Variants in DAB1 observed in about 807,000 individuals in gnomAD.
The protein encoded by DAB1 is DAB adaptor protein 1.
Under a neutral mutation model 64.6 loss-of-function variants are expected in DAB1, and 15 were observed. That is an observed-to-expected ratio of 0.23 (90% CI 0.16 to 0.36). DAB1 has a LOEUF of 0.36. Among genes scored for constraint, DAB1 ranks in the 10% least tolerant of loss-of-function variants. The pLI is 1.00. For missense variants in DAB1, 596 were observed against 706.7 expected (o/e 0.84, Z 1.78); for synonymous variants, 235 against 251.9 (o/e 0.93, Z 0.64).
At position 57,291,150 on chromosome 1, in the gene DAB1, T is replaced by G; in HGVS notation, c.-120A>C. The stretch of plus-strand genomic sequence containing the variant: ...ATGACACTCTGAGCTGCACATTTCA[T>G]TCACTCTTTTTGAGTGCTGCAAATC... On this transcript the variant is annotated 5_prime_UTR_variant, in exon 2 of 15. It removes an upstream start codon present in the reference 5' UTR. Coordinates refer to ENST00000371236, the MANE Select transcript of DAB1 (RefSeq NM_001365792.1). The G allele has an allele frequency of 1.9e-6, 1 of 535,964 alleles. No homozygotes were observed. The highest frequency in any genetic ancestry group is 3.4e-5 in the Admixed American group (1 of 29,548). 33.2% of individuals were successfully genotyped at this position (535,964 alleles called of 1,614,324 possible). A position where few individuals can be genotyped will look rare whatever the true frequency, so the allele number is the denominator to read the frequency against.
rs1661500014 is a variant in DAB1 at position 58,278,540 on chromosome 1, CG to C, written n.309+64811del. ...ATCTCTATCATAGCATTTACTGCAC[CG>C]TTTTGAAATGTATTAATTTACTTGT... On this transcript the variant is annotated intron_variant and non_coding_transcript_variant, in intron 4 of 20. Transcript: ENST00000485760. Among the ~76,000 whole-genome samples the C allele has an allele frequency of 8.9e-5, 2 of 22,526 alleles. 1 individual carries two copies. The highest frequency in any genetic ancestry group is 2.1e-4 in the Non-Finnish European group (2 of 9,574). 14.8% of individuals were successfully genotyped at this position (22,526 alleles called of 152,430 possible).
intron 3 of DAB1, among the ~76,000 whole-genome samples, chr1:58,357,181 G>A (rs1644120195): frequency 6.6e-6 from 1 of 152,076 alleles, no homozygotes; most frequent in Non-Finnish European, 1.5e-5. Context: ...AAAAGTGGAA[G>A]TGAATAGAAG....
intron 5 of DAB1, among the ~76,000 whole-genome samples, chr1:57,991,656 T>C (rs562005591): frequency 2.7e-4 from 41 of 152,072 alleles, no homozygotes; most frequent in Non-Finnish European, 4.3e-4. Context: ...AAGACCAGCC[T>C]GGCCAATGGC....
intron 2 of DAB1, among the ~76,000 whole-genome samples, chr1:57,206,968 C>CTTTTTTTTTTTTTTTTTTTTTTTTTTTT: frequency 1.2e-5 from 1 of 84,492 alleles, no homozygotes; most frequent in Non-Finnish European, 2.2e-5. Context: ...TCCTTCCTTC[C>CTTTTTTTTTTTTTTTTTTTTTTTTTTTT]TTTTTTTTTT....
At chr1:57,364,910 G>T (rs1679852903) in intron 1 of DAB1, among the ~76,000 whole-genome samples, 1 of 148,830 alleles carries the variant, frequency 6.7e-6, no homozygotes, top group Non-Finnish European at 1.5e-5. Flanking sequence ...CAAAATTCAG[G>T]TTAGAAGTTA....
intron 5 of DAB1, among the ~76,000 whole-genome samples, chr1:58,028,124 T>C (rs919958703): frequency 6.6e-6 from 1 of 152,170 alleles, no homozygotes; most frequent in Non-Finnish European, 1.5e-5. Context: ...TCACTTAATA[T>C]ATGCAGCTAT....
At chr1:57,059,915 A>G (rs1311496427) in intron 9 of DAB1, among the ~76,000 whole-genome samples, 1 of 152,076 alleles carries the variant, frequency 6.6e-6, no homozygotes, top group Non-Finnish European at 1.5e-5. Context: ...GCTCATGGAA[A>G]AGTCATCATT....
intron 5 of DAB1, among the ~76,000 whole-genome samples, chr1:58,129,173 G>A (rs907250612): frequency 6.6e-6 from 1 of 150,978 alleles, no homozygotes. Flanking sequence ...ACTTCTTCCT[G>A]GTTTAGTCTT....
At chr1:57,228,637 A>G (rs1468917974) in intron 2 of DAB1, among the ~76,000 whole-genome samples, 4 of 151,728 alleles carry the variant, frequency 2.6e-5, no homozygotes, top group Admixed American at 2.6e-4. Context: ...GGTGGGTTAT[A>G]TGGATTGGAA....
chr1:57,577,208 G>C (rs1440206892), intron 7 of DAB1, among the ~76,000 whole-genome samples: 1 of 152,090 alleles, frequency 6.6e-6, no homozygotes, highest in Non-Finnish European at 1.5e-5. Flanking sequence ...AATCCACAAA[G>C]TGCTTTATAA....
Position 57,477,547 on chromosome 1 carries a change from G to A in DAB1, n.625+172045C>T, listed in dbSNP as rs531158681. ...GTCAGATATCACTTGATTATGCTGCGTATTGTGCTTGGTTCTAGGTCCTAA... is the reference window on the plus strand; with the variant it reads ...GTCAGATATCACTTGATTATGCTGCATATTGTGCTTGGTTCTAGGTCCTAA... On this transcript the variant is annotated intron_variant and non_coding_transcript_variant, in intron 7 of 20. Coordinates refer to the DAB1 transcript ENST00000485760. Among the ~76,000 whole-genome samples, 12 of 152,220 alleles carry A rather than the reference G, an allele frequency of 7.9e-5. No individual in the cohort carries two copies. In the South Asian group the frequency reaches 1.2e-3, roughly 16 times the overall value.
intron 3 of DAB1, among the ~76,000 whole-genome samples, chr1:58,406,718 C>T (rs946934499): frequency 4.5e-5 from 4 of 89,576 alleles, no homozygotes; most frequent in South Asian, 3.0e-4. Context: ...ATCCCCCCCC[C>T]CCAACTGCCA....
chr1:58,154,511 G>A (rs1463166835), intron 4 of DAB1, among the ~76,000 whole-genome samples: 1 of 152,120 alleles, frequency 6.6e-6, no homozygotes, highest in East Asian at 1.9e-4. Context: ...AATACAGAAA[G>A]GAATGTGGTG....
At chr1:57,343,988 T>G (rs1245632419) in intron 1 of DAB1, among the ~76,000 whole-genome samples, 3 of 152,234 alleles carry the variant, frequency 2.0e-5, no homozygotes, top group Non-Finnish European at 4.4e-5. Context: ...TTGACTGAGA[T>G]CCACTGATGT....
intron 1 of DAB1, among the ~76,000 whole-genome samples, chr1:58,544,803 A>T (rs1444548263): frequency 6.6e-6 from 1 of 152,212 alleles, no homozygotes; most frequent in Non-Finnish European, 1.5e-5. Context: ...CAAATTGCCC[A>T]GGCTAGTCTC....
intron 6 of DAB1, among the ~76,000 whole-genome samples, chr1:57,799,114 T>C (rs1444423093): frequency 2.0e-5 from 3 of 152,220 alleles, no homozygotes; most frequent in African/African-American, 7.2e-5. Flanking sequence ...GTGAATGCGT[T>C]TCTTCGGCTG....
chr1:58,430,994 T>C (rs1569772935), intron 3 of DAB1, among the ~76,000 whole-genome samples: 2 of 152,196 alleles, frequency 1.3e-5, no homozygotes, highest in African/African-American at 4.8e-5. Context: ...TTTTCACTAT[T>C]CTCTGGGGAT....
At chr1:58,416,052 T>C (rs1569747323) in intron 3 of DAB1, among the ~76,000 whole-genome samples, 1 of 152,072 alleles carries the variant, frequency 6.6e-6, no homozygotes, top group Non-Finnish European at 1.5e-5. Flanking sequence ...CCATATCCCC[T>C]CAGAGAAAGG....
chr1:57,219,338 T>C (rs745332696), intron 2 of DAB1, among the ~76,000 whole-genome samples: 3 of 152,040 alleles, frequency 2.0e-5, no homozygotes, highest in Non-Finnish European at 4.4e-5. Context: ...AGATAGCCTT[T>C]CCATTCAATC....
Sources: gnomAD v4.1 joint callset for allele counts (sites outside exome capture counted in the v4.1 genomes callset) on GRCh38, gnomAD v4.1.1 for gene constraint, MANE v1.5 for transcripts, NCBI Gene and HGNC (gene_info 2026-07-23, HGNC 2026-07-21) for gene names.